Variants in INSR observed in about 807,000 individuals in gnomAD.
INSR encodes the protein IR.
Under a neutral mutation model 142.6 loss-of-function variants are expected in INSR, and 67 were observed. The ratio of observed to expected loss-of-function variants is 0.47; its 90% CI spans 0.39 to 0.58. The LOEUF (loss-of-function observed/expected upper bound fraction) is 0.58, where lower values mean the gene tolerates loss of function less well. Ranked by LOEUF, INSR falls within the 20% of genes least tolerant of loss-of-function variation. The pLI is 0.00. For synonymous variants in INSR, 756 were observed against 743.1 expected (o/e 1.02, Z -0.28); for missense variants, 1,248 against 1,833.2 (o/e 0.68, Z 5.83).
At chr19:7,238,923 G>A (rs1976249570) in intron 2 of INSR, among the ~76,000 whole-genome samples, 1 of 130,746 alleles carries the variant, frequency 7.6e-6, no homozygotes, top group Admixed American at 9.3e-5. Context: ...ATGGCCAGAA[G>A]GCGGAAACAA....
intron 2 of INSR, among the ~76,000 whole-genome samples, chr19:7,200,483 A>T (rs948843691): frequency 1.3e-5 from 2 of 152,130 alleles, no homozygotes; most frequent in Non-Finnish European, 1.5e-5. Context: ...GGAGCCTAGG[A>T]GTTCAAGACC....
intron 2 of INSR, among the ~76,000 whole-genome samples, chr19:7,195,944 T>G (rs1213167479): frequency 3.4e-5 from 5 of 146,488 alleles, no homozygotes; most frequent in African/African-American, 7.4e-5. Flanking sequence ...TTTTTTTTTT[T>G]TTTTGTTTGA....
At chr19:7,179,141 G>T (rs562846563) in intron 3 of INSR, among the ~76,000 whole-genome samples, 1 of 152,080 alleles carries the variant, frequency 6.6e-6, no homozygotes, top group African/African-American at 2.4e-5. Context: ...CGAACCTCTG[G>T]GCTCAAGTGA....
At chr19:7,251,142 G>C (rs1022023605) in intron 2 of INSR, among the ~76,000 whole-genome samples, 3 of 151,894 alleles carry the variant, frequency 2.0e-5, no homozygotes, top group Non-Finnish European at 2.9e-5. Context: ...ACATTCCCTG[G>C]AGTTGTGACA....
intron 2 of INSR, among the ~76,000 whole-genome samples, chr19:7,244,859 T>C (rs567846439): frequency 7.1e-4 from 108 of 151,910 alleles, no homozygotes; most frequent in African/African-American, 2.3e-3. Context: ...TTTTTTCCTC[T>C]GGGAAATGGG....
At chr19:7,239,824 AG>A (rs67584529) in intron 2 of INSR, among the ~76,000 whole-genome samples, 71,383 of 147,886 alleles carry the variant, frequency 0.48, 18,462 homozygotes, top group East Asian at 0.7. Flanking sequence ...AGTGGCTGAG[AG>A]GAAAAAAAAA....
intron 9 of INSR, among the ~76,000 whole-genome samples, 195 bp from the exon 10 acceptor site, chr19:7,153,122 A>ACACACAC (rs1363147320): frequency 3.6e-5 from 1 of 27,568 alleles, no homozygotes. Flanking sequence ...ACAACCACAC[A>ACACACAC]CACACACCAC....
At chr19:7,197,400 G>C (rs1323943634) in intron 2 of INSR, among the ~76,000 whole-genome samples, 1 of 152,238 alleles carries the variant, frequency 6.6e-6, no homozygotes, top group Non-Finnish European at 1.5e-5. Context: ...CCCTCTCCAT[G>C]CTGCGGATCT....
At position 7,119,608 on chromosome 19, in the gene INSR, A is replaced by G. The variant is rs771749441; in HGVS notation, c.3660-25T>C. 6.2e-7 allele frequency: 1 copy of G among 1,613,496 alleles called. No homozygotes were observed. The highest frequency in any genetic ancestry group is 8.5e-7 in the Non-Finnish European group (1 of 1,179,944). On this transcript the variant is annotated intron_variant, in intron 20 of 21. Coordinates refer to ENST00000302850, the MANE Select transcript of INSR (RefSeq NM_000208.4). This position sits in a 1 kb window ranked among gnomAD's most constrained non-coding sequence, Gnocchi z 5.2. ...CCTGCCGATGACAGTTGATAGTAGTAACAAAGAAGCCATTTAGACACACAC... is the reference window on the plus strand; with the variant it reads ...CCTGCCGATGACAGTTGATAGTAGTGACAAAGAAGCCATTTAGACACACAC...
rs200764220 is a variant in INSR, at chr19:7,149,936, A to G, written c.2267+561T>C. On this transcript the variant is annotated intron_variant, in intron 11 of 21. Transcript: ENST00000302850. ...AAGAAAGAAAGAAGGAAAAAAAGAA[A>G]GAAGGAAGGAAGGAAGGAAGGAAGG... Among the ~76,000 whole-genome samples, 104 of 144,268 alleles carry G rather than the reference A, an allele frequency of 7.2e-4. 3 individuals carry two copies. The East Asian group carries it at 8.5e-3, about 12-fold the overall frequency. The allele number at this position is 144,268 out of a possible 152,430, so 94.6% of individuals were successfully genotyped here. A position where few individuals can be genotyped will look rare whatever the true frequency, so the allele number is the denominator to read the frequency against.
chr19:7,233,745 C>T (rs558193146), intron 2 of INSR, among the ~76,000 whole-genome samples: 113 of 146,170 alleles, frequency 7.7e-4, no homozygotes, highest in African/African-American at 2.7e-3. Flanking sequence ...GCACGATCTC[C>T]GCTCACTGCA....
At chr19:7,217,661 G>A (rs763208664) in intron 2 of INSR, among the ~76,000 whole-genome samples, 31 of 152,256 alleles carry the variant, frequency 2.0e-4, no homozygotes, top group Non-Finnish European at 4.0e-4. Context: ...CCAGGTTCAT[G>A]CCATTCTCCT....
At chr19:7,165,277 T>A (rs1973865296) in intron 8 of INSR, among the ~76,000 whole-genome samples, 1 of 151,438 alleles carries the variant, frequency 6.6e-6, no homozygotes, top group East Asian at 2.0e-4. Flanking sequence ...GGTGACAGAG[T>A]GAGACTCCAT....
intron 3 of INSR, among the ~76,000 whole-genome samples, chr19:7,179,377 T>A (rs539062857): frequency 6.6e-6 from 1 of 152,338 alleles, no homozygotes; most frequent in East Asian, 1.9e-4. Context: ...GGGCTGAGCC[T>A]TAAACTTGTG....
intron 12 of INSR, 55 bp from the exon 13 acceptor site, chr19:7,141,871 T>A (rs968244461): frequency 1.2e-4 from 172 of 1,435,090 alleles, no homozygotes; most frequent in Non-Finnish European, 1.6e-4. Context: ...AGATCCCACT[T>A]CTGCCACCTG....
At chr19:7,266,471 C>T (rs1049036917) in intron 2 of INSR, among the ~76,000 whole-genome samples, 31 of 151,814 alleles carry the variant, frequency 2.0e-4, no homozygotes, top group African/African-American at 6.0e-4. Context: ...CTGCAACCTC[C>T]GCCTCCCGGG....
intron 13 of INSR, 53 bp from the exon 14 acceptor site, chr19:7,132,370 A>T: frequency 6.3e-7 from 1 of 1,591,104 alleles, no homozygotes; most frequent in South Asian, 1.1e-5. Context: ...CACATCTGGG[A>T]GTGTCCACCC....
chr19:7,168,132 T>G lies in INSR; in HGVS notation c.1484-38A>C. Reference sequence around the variant, plus strand: ...AAACAAAAGGCAAAAATGAGCTATTTCAGTGTAGTTTCAGACCAAAGCCTG... The same window carrying G: ...AAACAAAAGGCAAAAATGAGCTATTGCAGTGTAGTTTCAGACCAAAGCCTG... On this transcript the variant is annotated intron_variant, in intron 6 of 21. Coordinates refer to ENST00000302850, the MANE Select transcript of INSR (RefSeq NM_000208.4). The surrounding 1 kb of genome is among the most constrained non-coding windows in gnomAD (Gnocchi z 4.3). The G allele has an allele frequency of 6.2e-7, 1 of 1,610,406 alleles. No homozygotes were observed. The highest frequency in any genetic ancestry group is 8.5e-7 in the Non-Finnish European group (1 of 1,177,496).
Position 7,119,678 on chromosome 19 carries a change from ACG to A in INSR, c.3660-97_3660-96del. On this transcript the variant is annotated intron_variant, in intron 20 of 21. Transcript: ENST00000302850. The surrounding 1 kb of genome is among the most constrained non-coding windows in gnomAD (Gnocchi z 5.2). The stretch of plus-strand genomic sequence containing the variant: ...CACACACACGCAAACGCACACACAC[ACG>A]CAAACACACATGCCAACACATACAT... 2 of 1,358,190 alleles carry A rather than the reference ACG, an allele frequency of 1.5e-6. No homozygotes were observed. The highest frequency in any genetic ancestry group is 2.3e-5 in the East Asian group (1 of 43,216). 84.1% of individuals were successfully genotyped at this position (1,358,190 alleles called of 1,614,324 possible).
Sources: allele counts gnomAD v4.1 joint callset (sites outside exome capture counted in the v4.1 genomes callset), GRCh38; gene constraint gnomAD v4.1.1; non-coding constraint Gnocchi (gnomAD v3.1); transcripts MANE v1.5; gene names NCBI Gene and HGNC (gene_info 2026-07-23, HGNC 2026-07-21).